The following HNRNPH3 variants were observed in gnomAD, a reference collection of about 807,000 sequenced individuals.
HNRNPH3 encodes heterogeneous nuclear ribonucleoprotein H3.
In HNRNPH3, 7 loss-of-function variants were observed where a neutral mutation model predicts 47.0. The observed-to-expected ratio is 0.15, with a 90% CI of 0.08 to 0.28. HNRNPH3 has a LOEUF of 0.28. Among genes scored for constraint, HNRNPH3 ranks in the 10% least tolerant of loss-of-function variants. The pLI is 1.00. For synonymous variants in HNRNPH3, 120 were observed against 143.2 expected (o/e 0.84, Z 1.16); for missense variants, 279 against 449.6 (o/e 0.62, Z 3.43).
chr10:68,341,617 A>C lies in HNRNPH3; in HGVS notation c.808A>C (p.Thr270Pro), dbSNP rs931520704. The change falls in exon 8 of 10, where the codon ACT becomes CCT. Residue 270 changes from threonine to proline, a missense_variant. Thr to Pro is a conservative substitution (Grantham distance 38, BLOSUM62 -1). Transcript: ENST00000265866. ...HRYIELFLNS[T>P]PGGGSGMGGS... is the part of the protein sequence containing the mutation. ...ATATATTGAACTCTTCTTGAATTCTACTCCTGGAGGCGGCTCTGGCATGGG... is the reference window on the plus strand; with the variant it reads ...ATATATTGAACTCTTCTTGAATTCTCCTCCTGGAGGCGGCTCTGGCATGGG... 1.6e-5 allele frequency: 26 copies of C among 1,612,482 alleles called. No homozygotes were observed. The Admixed American group carries it at 4.0e-4, about 25-fold the overall frequency.
rs768964190 is a variant in HNRNPH3, at chr10:68,342,577, A to G, written c.*523A>G. On this transcript the variant is annotated 3_prime_UTR_variant, in exon 10 of 10. Coordinates refer to ENST00000265866, the MANE Select transcript of HNRNPH3 (RefSeq NM_012207.3). Reference sequence around the variant, plus strand: ...TTATTTCTATATTATTATTTTTCAAATGTCATTTATCAGGCATAGCTCTGA... The same window carrying G: ...TTATTTCTATATTATTATTTTTCAAGTGTCATTTATCAGGCATAGCTCTGA... 3.9e-5 allele frequency: 6 copies of G among 152,566 alleles called. No homozygotes were observed. Among genetic ancestry groups the G allele is most frequent in the Non-Finnish European group, 8.8e-5 (6 of 68,190 alleles). The allele number at this position is 152,566 out of a possible 1,614,324, so 9.5% of individuals were successfully genotyped here.
At position 68,341,822 on chromosome 10, in the gene HNRNPH3, A is replaced by G; in HGVS notation, c.935A>G (p.Tyr312Cys). The change falls in exon 9 of 10, where the codon TAT becomes TGT. Residue 312 changes from tyrosine (Y) to cysteine (C), a missense_variant. Tyr to Cys is a radical substitution (Grantham distance 194, BLOSUM62 -2). Transcript: ENST00000265866. ...MGMGNNYSGGYGTPDGLGGYG... is the reference protein window; with the variant it reads ...MGMGNNYSGGCGTPDGLGGYG... ...ATGGGGAACAATTACAGTGGAGGAT[A>G]TGGTACTCCTGATGGTTTGGGTGGT... 3 of 1,610,536 alleles carry G rather than the reference A, an allele frequency of 1.9e-6. No homozygotes were observed. Among genetic ancestry groups the G allele is most frequent in the South Asian group, 2.2e-5 (2 of 90,790 alleles).
intron 4 of HNRNPH3, 75 bp from the exon 5 acceptor site, chr10:68,339,065 A>ATT: frequency 8.3e-7 from 1 of 1,209,418 alleles, no homozygotes. Flanking sequence ...TTACCACAAA[A>ATT]TGTTTTTGTA....
intron 4 of HNRNPH3, 145 bp from the exon 5 acceptor site, chr10:68,338,995 T>C (rs1217754984): frequency 3.4e-6 from 2 of 585,152 alleles, no homozygotes; most frequent in African/African-American, 1.9e-5. Context: ...TCACGTTGAC[T>C]GCTTTTTTCA....
chr10:68,340,096 G>A (rs1589717500), intron 6 of HNRNPH3, among the ~76,000 whole-genome samples: 1 of 151,974 alleles, frequency 6.6e-6, no homozygotes, highest in Non-Finnish European at 1.5e-5. Flanking sequence ...GTGCAGTGGC[G>A]CGATCTCGGC....
In HNRNPH3 at chr10:68,341,679, G is replaced by A. The variant is rs146848138; in HGVS notation, c.870G>A (p.Met290Ile). Residue 290 changes from methionine (M) to isoleucine (I), a missense_variant and splice_region_variant, in exon 8 of 10, where the codon ATG becomes ATA. Physicochemically the swap from Met to Ile is conservative, Grantham distance 10. Coordinates refer to ENST00000265866, the MANE Select transcript of HNRNPH3 (RefSeq NM_012207.3). ...TGGGAGGCTACGGAAGAGATGGAAT[G>A]GGTATGTAAAGTTTTTAAAATATGC... is the stretch of plus-strand genomic sequence containing the variant. The part of the protein sequence containing the change: ...SGMGGYGRDG[M>I]DNQGGYGSVG... 6.2e-7 allele frequency: 1 copy of A among 1,610,194 alleles called. No individual in the cohort carries two copies. Among genetic ancestry groups the A allele is most frequent in the Non-Finnish European group, 8.5e-7 (1 of 1,176,916 alleles).
At chr10:68,341,381 G>A (rs1451079274) in intron 7 of HNRNPH3, 72 bp downstream of exon 7, 36 of 1,477,066 alleles carry the variant, frequency 2.4e-5, no homozygotes, top group Non-Finnish European at 3.0e-5. Context: ...TCTAAGATCT[G>A]TAGGTAACGC....
At chr10:68,339,949 A>G (rs571526705) in intron 6 of HNRNPH3, among the ~76,000 whole-genome samples, 2 of 152,352 alleles carry the variant, frequency 1.3e-5, no homozygotes, top group South Asian at 4.1e-4. Flanking sequence ...CGTGAAGTCC[A>G]GTTAAGAGTA....
chr10:68,335,765 A>G (rs1337423618), intron 1 of HNRNPH3, among the ~76,000 whole-genome samples: 1 of 152,190 alleles, frequency 6.6e-6, no homozygotes, highest in Admixed American at 6.5e-5. Context: ...GTACAGGTAC[A>G]ACTGCTATAG....
intron 1 of HNRNPH3, among the ~76,000 whole-genome samples, 179 bp downstream of exon 1, chr10:68,332,395 C>T (rs2134605428): frequency 1.3e-5 from 2 of 152,256 alleles, no homozygotes; most frequent in East Asian, 3.9e-4. Flanking sequence ...GGGAGGGCGG[C>T]TTGCCGATGG....
intron 1 of HNRNPH3, chr10:68,332,893 A>G (rs1361307879): frequency 6.6e-6 from 1 of 152,232 alleles, no homozygotes; most frequent in Non-Finnish European, 1.5e-5. Context: ...TCCCAAATCC[A>G]GGACAAAGGA....
At position 68,339,059 on chromosome 10, in the gene HNRNPH3, C is replaced by T. The variant is rs114122721; in HGVS notation, c.437-81C>T. The T allele has an allele frequency of 1.4e-3, 1,572 of 1,148,404 alleles. 24 individuals are homozygous for T. In the African/African-American group the frequency reaches 0.022, roughly 16 times the overall value. 71.1% of individuals were successfully genotyped at this position (1,148,404 alleles called of 1,614,324 possible). A position where few individuals can be genotyped will look rare whatever the true frequency, so the allele number is the denominator to read the frequency against. On this transcript the variant is annotated intron_variant, in intron 4 of 9. Coordinates refer to ENST00000265866, the MANE Select transcript of HNRNPH3 (RefSeq NM_012207.3). ...GCAATCAAGTTACACAGACTGTTAC[C>T]ACAAAATGTTTTTGTAAACTAAATT...
chr10:68,334,017 G>C (rs1382151838), intron 1 of HNRNPH3, among the ~76,000 whole-genome samples: 4 of 152,074 alleles, frequency 2.6e-5, no homozygotes, highest in South Asian at 2.1e-4. Flanking sequence ...GCCGTTATCT[G>C]GAAATCCATC....
At chr10:68,338,146 T>C in intron 3 of HNRNPH3, 150 bp downstream of exon 3, 1 of 567,500 alleles carries the variant, frequency 1.8e-6, no homozygotes. Context: ...AACTACAGAT[T>C]TGGGTGGGGA....
rs1244398467 is a variant in HNRNPH3, at chr10:68,337,404, T to G, written c.112+71T>G. 10 of 984,302 alleles carry G rather than the reference T, an allele frequency of 1.0e-5. No individual in the cohort carries two copies. Among genetic ancestry groups the G allele is most frequent in the Non-Finnish European group, 1.6e-5 (10 of 633,280 alleles). 61.0% of individuals were successfully genotyped at this position (984,302 alleles called of 1,614,324 possible). On this transcript the variant is annotated intron_variant, in intron 2 of 9. Coordinates refer to ENST00000265866, the MANE Select transcript of HNRNPH3 (RefSeq NM_012207.3). This position sits in a 1 kb window ranked among gnomAD's most constrained non-coding sequence, Gnocchi z 4.5. ...TTTGTATTGTTTTACTGTTTTTAAT[T>G]TGTAAAACCCATTTGATTTTGGAAC...
chr10:68,335,899 T>TTAAAAGTTTGTATTCC (rs1202825355), intron 1 of HNRNPH3, among the ~76,000 whole-genome samples: 3 of 152,208 alleles, frequency 2.0e-5, no homozygotes, highest in African/African-American at 7.2e-5. Flanking sequence ...GTAATGTCAG[T>TTAAAAGTTTGTATTCC]TAAAAGTTTG....
intron 1 of HNRNPH3, among the ~76,000 whole-genome samples, chr10:68,332,513 A>G (rs2045211053): frequency 6.6e-6 from 1 of 152,192 alleles, no homozygotes; most frequent in African/African-American, 2.4e-5. Flanking sequence ...TTTTGGGTAC[A>G]GTGGCGCGGC....
Position 68,341,220 on chromosome 10 carries a change from C to T in HNRNPH3, c.686C>T (p.Ala229Val). Reference protein sequence around the residue: ...NPIRVHIDIGADGRATGEADV... With the variant: ...NPIRVHIDIGVDGRATGEADV... ...ATACGAGTTCATATTGATATTGGAGCTGATGGCAGAGCCACAGGAGAAGCA... is the reference window on the plus strand; with the variant it reads ...ATACGAGTTCATATTGATATTGGAGTTGATGGCAGAGCCACAGGAGAAGCA... Residue 229 changes from alanine to valine, a missense_variant, in exon 7 of 10, where the codon GCT (alanine) becomes GTT (valine). Physicochemically the swap from Ala to Val is moderately conservative, Grantham distance 64. Around this residue, in one of 2 missense-constraint regions of HNRNPH3, gnomAD observed 239 missense variants for 335.8 expected, o/e 0.71. Coordinates refer to ENST00000265866, the MANE Select transcript of HNRNPH3 (RefSeq NM_012207.3). 2 of 1,599,684 alleles carry T rather than the reference C, an allele frequency of 1.3e-6. No individual in the cohort carries two copies. The highest frequency in any genetic ancestry group is 8.5e-7 in the Non-Finnish European group (1 of 1,175,000).
intron 1 of HNRNPH3, among the ~76,000 whole-genome samples, chr10:68,335,714 C>T (rs535016973): frequency 7.5e-4 from 114 of 152,218 alleles, no homozygotes; most frequent in African/African-American, 2.6e-3. Context: ...TCAGTAAATG[C>T]TTACCATGAG....
Sources: gnomAD v4.1 joint callset for allele counts (sites outside exome capture counted in the v4.1 genomes callset) on GRCh38, gnomAD v4.1.1 for gene constraint, gnomAD v4.1.1 regional missense constraint, Gnocchi (gnomAD v3.1) non-coding constraint, MANE v1.5 for transcripts, NCBI Gene and HGNC (gene_info 2026-07-23, HGNC 2026-07-21) for gene names.